SBNO2: variants seen among roughly 807,000 people sequenced by gnomAD.
The protein encoded by SBNO2 is strawberry notch homolog 2.
SBNO2 carries 89 observed loss-of-function variants against 146.3 expected under a neutral mutation model. That is an observed-to-expected ratio of 0.61 (90% CI 0.51 to 0.73). SBNO2 has a LOEUF of 0.73. SBNO2 is among the 30% of genes least tolerant of loss of function. The pLI is 0.00. For missense variants in SBNO2, 2,092 were observed against 2,003.7 expected (o/e 1.04, Z -0.84); for synonymous variants, 1,147 against 892.6 (o/e 1.29, Z -5.08).
rs758437635 is a variant in SBNO2, at chr19:1,114,375, T to A, written c.1933A>T (p.Thr645Ser). The A allele has an allele frequency of 3.2e-6, 5 of 1,554,062 alleles. No homozygotes were observed. The highest frequency in any genetic ancestry group is 4.4e-6 in the Non-Finnish European group (5 of 1,148,804). ...TCACTGATGCGGATGACGCCCGCTG[T>A]CTCGCACGCCAGCCGGGGGGCTTTG... is the stretch of plus-strand genomic sequence containing the variant. ...GAKAPRLACE[T>S]AGVIRISDDS... Residue 645 changes from threonine (T) to serine (S), a missense_variant, in exon 18 of 32, where the codon ACA becomes TCA. Transcript: ENST00000361757.
At chr19:1,153,213 A>G (rs898692998) in intron 2 of SBNO2, among the ~76,000 whole-genome samples, 3 of 150,634 alleles carry the variant, frequency 2.0e-5, no homozygotes, top group African/African-American at 7.3e-5. Flanking sequence ...ATATATATAC[A>G]CGTTTATATA....
rs553753495 is a variant in SBNO2 at position 1,144,999 on chromosome 19, G to A, written c.279+2310C>T. Among the ~76,000 whole-genome samples the A allele has an allele frequency of 7.0e-6, 1 of 143,798 alleles. No individual in the cohort carries two copies. Among genetic ancestry groups the A allele is most frequent in the South Asian group, 2.4e-4 (1 of 4,212 alleles). 94.3% of individuals were successfully genotyped at this position (143,798 alleles called of 152,430 possible). On this transcript the variant is annotated intron_variant, in intron 4 of 31. Transcript: ENST00000361757. The surrounding 1 kb of genome is among the most constrained non-coding windows in gnomAD (Gnocchi z 4.1). ...AGACTGAGAGGGAGACAGAGAGATG[G>A]AGCATAGAGGGAGACAGAGACAGAG...
In SBNO2 at chr19:1,114,215, C is replaced by A; in HGVS notation, c.2077+16G>T. 7.0e-7 allele frequency: 1 copy of A among 1,434,432 alleles called. No individual in the cohort carries two copies. Among genetic ancestry groups the A allele is most frequent in the Non-Finnish European group, 9.2e-7 (1 of 1,085,376 alleles). 88.9% of individuals were successfully genotyped at this position (1,434,432 alleles called of 1,614,324 possible). On this transcript the variant is annotated intron_variant, in intron 18 of 31. Coordinates refer to ENST00000361757, the MANE Select transcript of SBNO2 (RefSeq NM_014963.3). ...CCTGACCCACAGGTGGCTGGCCAGC[C>A]TGGGCAAGCCCTCACCCCGGTCGTC...
rs149147312 is a variant in SBNO2, at chr19:1,158,138, C to A, written c.-126-3736G>T. Among the ~76,000 whole-genome samples, 2 of 152,346 alleles carry A rather than the reference C, an allele frequency of 1.3e-5. No individual in the cohort carries two copies. Among genetic ancestry groups the A allele is most frequent in the East Asian group, 3.9e-4 (2 of 5,190 alleles). ...GGCTGGACGCCCCAGGGTCTCACCC[C>A]ACGCTGTGCAGCAACAGCTCAGCCT... On this transcript the variant is annotated intron_variant, in intron 1 of 31. Transcript: ENST00000361757. This position sits in a 1 kb window ranked among gnomAD's most constrained non-coding sequence, Gnocchi z 9.9.
rs1279013849 is a variant in SBNO2 at position 1,158,980 on chromosome 19, G to A, written c.-126-4578C>T. 6.8e-6 allele frequency among the ~76,000 whole-genome samples: 1 copy of A among 146,950 alleles called. No individual in the cohort carries two copies. The highest frequency in any genetic ancestry group is 1.5e-5 in the Non-Finnish European group (1 of 67,108). On this transcript the variant is annotated intron_variant, in intron 1 of 31. Coordinates refer to ENST00000361757, the MANE Select transcript of SBNO2 (RefSeq NM_014963.3). The surrounding 1 kb of genome is among the most constrained non-coding windows in gnomAD (Gnocchi z 9.9). ...GACCCCACTTGCAGCTGCAACCGCC[G>A]CCCCACGGCCGTGACCCCACCTGCA...
chr19:1,172,069 C>G (rs2080483126), intron 1 of SBNO2, among the ~76,000 whole-genome samples: 1 of 152,186 alleles, frequency 6.6e-6, no homozygotes, highest in Admixed American at 6.5e-5. Flanking sequence ...CAGCCCCCTC[C>G]ACACCAGGGC....
chr19:1,112,681 G>T lies in SBNO2; in HGVS notation c.2379+137C>A. On this transcript the variant is annotated intron_variant, in intron 20 of 31. Transcript: ENST00000361757. The surrounding 1 kb of genome is among the most constrained non-coding windows in gnomAD (Gnocchi z 5.9). The stretch of plus-strand genomic sequence containing the variant: ...GGCCTGCGGGGCGCGGACACCACCC[G>T]CCACACGGCCACTCGCGCCCGCACC... The T allele has an allele frequency of 7.0e-7, 1 of 1,431,368 alleles. No homozygotes were observed. The highest frequency in any genetic ancestry group is 1.4e-5 in the South Asian group (1 of 70,936). 88.7% of individuals were successfully genotyped at this position (1,431,368 alleles called of 1,614,324 possible). A position where few individuals can be genotyped will look rare whatever the true frequency, so the allele number is the denominator to read the frequency against.
Position 1,136,475 on chromosome 19 carries a change from C to G in SBNO2, c.280-8710G>C, listed in dbSNP as rs2080085623. Among the ~76,000 whole-genome samples the G allele has an allele frequency of 6.6e-6, 1 of 152,332 alleles. No homozygotes were observed. The highest frequency in any genetic ancestry group is 2.1e-4 in the South Asian group (1 of 4,830). ...CCTCTCTAAGGCTGTCTGTGGGCGG[C>G]TCTGCCGGCCCCTCCTGCACCTGCC... On this transcript the variant is annotated intron_variant, in intron 4 of 31. Coordinates refer to ENST00000361757, the MANE Select transcript of SBNO2 (RefSeq NM_014963.3). This position sits in a 1 kb window ranked among gnomAD's most constrained non-coding sequence, Gnocchi z 4.2.
intron 4 of SBNO2, among the ~76,000 whole-genome samples, chr19:1,142,504 A>G (rs571641265): frequency 1.0e-3 from 156 of 152,048 alleles, no homozygotes; most frequent in African/African-American, 3.6e-3. Flanking sequence ...ATATGGTGAA[A>G]CCCCGTCTCT....
At chr19:1,149,682 G>A (rs145225604) in intron 2 of SBNO2, among the ~76,000 whole-genome samples, 2,081 of 152,328 alleles carry the variant, frequency 0.014, 54 homozygotes, top group Admixed American at 0.063. Flanking sequence ...AACCACCCGC[G>A]TGAAGGGCTC....
In SBNO2 at chr19:1,174,257, G is replaced by A. The variant is rs2080510514; in HGVS notation, c.-212C>T. 6.6e-6 allele frequency: 1 copy of A among 151,774 alleles called. No individual in the cohort carries two copies. The highest frequency in any genetic ancestry group is 1.5e-5 in the Non-Finnish European group (1 of 67,862). The allele number at this position is 151,774 out of a possible 1,614,324, so 9.4% of individuals were successfully genotyped here. On this transcript the variant is annotated 5_prime_UTR_variant, in exon 1 of 32. Transcript: ENST00000361757. ...CTGCCGCCGCTCACTTCCGGGTTTC[G>A]GGCGCCATCTTGGGGGCCCCGCGCA...
intron 4 of SBNO2, 65 bp from the exon 5 acceptor site, chr19:1,127,830 G>C (rs2079984258): frequency 6.7e-7 from 1 of 1,500,826 alleles, no homozygotes; most frequent in Admixed American, 1.7e-5. Context: ...CCACGCACTG[G>C]AGCACGTGGG....
In SBNO2 at chr19:1,109,029, G is replaced by A. The variant is rs781416858; in HGVS notation, c.3426-60C>T. Reference sequence around the variant, plus strand: ...GTCCCAGGGGCCCGCAGGCTCCCCAGGTGCCCTGAGATCTCCCGCCTCCTC... The same window carrying A: ...GTCCCAGGGGCCCGCAGGCTCCCCAAGTGCCCTGAGATCTCCCGCCTCCTC... On this transcript the variant is annotated intron_variant, in intron 30 of 31. Coordinates refer to ENST00000361757, the MANE Select transcript of SBNO2 (RefSeq NM_014963.3). This position sits in a 1 kb window ranked among gnomAD's most constrained non-coding sequence, Gnocchi z 4.2. 1.9e-4 allele frequency: 283 copies of A among 1,495,140 alleles called. No homozygotes were observed. Among genetic ancestry groups the A allele is most frequent in the Non-Finnish European group, 2.1e-4 (239 of 1,124,244 alleles). The allele number at this position is 1,495,140 out of a possible 1,614,324, so 92.6% of individuals were successfully genotyped here.
rs774785187 is a variant in SBNO2 at position 1,122,677 on chromosome 19, C to T, written c.895G>A (p.Gly299Ser). The change falls in exon 9 of 32, where the codon GGC (glycine) becomes AGC (serine). Residue 299 changes from glycine to serine, a missense_variant. By Grantham distance (56) the Gly-to-Ser change is moderately conservative. Coordinates refer to ENST00000361757, the MANE Select transcript of SBNO2 (RefSeq NM_014963.3). The stretch of plus-strand genomic sequence containing the variant: ...CCTCACCACAATGCTTTCTTCCGGC[C>T]GCGCAGGTGGTTCTCCAGGATGACT... The part of the protein sequence containing the change: ...AGVILENHLR[G>S]RKKALWFSVS... 3.0e-5 allele frequency: 46 copies of T among 1,535,636 alleles called. 1 individual carries two copies. In the East Asian group the frequency reaches 6.6e-4, roughly 22 times the overall value.
At chr19:1,114,166 T>C in intron 18 of SBNO2, 65 bp downstream of exon 18, 1 of 1,333,250 alleles carries the variant, frequency 7.5e-7, no homozygotes, top group Non-Finnish European at 9.8e-7. Flanking sequence ...GACCCAGAGG[T>C]GGCTGCTCAG....
chr19:1,122,771 G>A lies in SBNO2; in HGVS notation c.801C>T (p.Pro267=), dbSNP rs762804480. The A allele has an allele frequency of 2.4e-5, 37 of 1,537,866 alleles. 1 individual carries two copies. In the African/African-American group the frequency reaches 4.1e-4, roughly 17 times the overall value. The part of the protein sequence containing the change: ...YACQQHEVLL[P]SGQRAGFLIG... The stretch of plus-strand genomic sequence containing the variant: ...TGAGAAAGCCCGCGCGCTGCCCGCT[G>A]GGGAGCAGGACCTCGTGTTGCTGTT... Residue 267 remains proline, a synonymous_variant, in exon 9 of 32, where the codon CCC becomes CCT. Transcript: ENST00000361757.
At chr19:1,141,913 G>C (rs114071079) in intron 4 of SBNO2, among the ~76,000 whole-genome samples, 1 of 151,966 alleles carries the variant, frequency 6.6e-6, no homozygotes, top group Non-Finnish European at 1.5e-5. Context: ...GTGAGCCACC[G>C]TGCCCAGTCC....
At chr19:1,128,521 T>C (rs1453083303) in intron 4 of SBNO2, among the ~76,000 whole-genome samples, 7 of 151,704 alleles carry the variant, frequency 4.6e-5, no homozygotes, top group Non-Finnish European at 7.4e-5. Flanking sequence ...GCCTCCCGAG[T>C]AGCTGGGATT....
intron 1 of SBNO2, among the ~76,000 whole-genome samples, chr19:1,162,443 G>A (rs1210355594): frequency 3.4e-5 from 5 of 148,060 alleles, no homozygotes; most frequent in Admixed American, 6.9e-5. Context: ...CTGGGTGAAA[G>A]AGCGAGACTC....
Sources: allele counts gnomAD v4.1 joint callset (sites outside exome capture counted in the v4.1 genomes callset), GRCh38; gene constraint gnomAD v4.1.1; non-coding constraint Gnocchi (gnomAD v3.1); transcripts MANE v1.5; gene names NCBI Gene and HGNC (gene_info 2026-07-23, HGNC 2026-07-21).